The following MRPL13 variants were observed in gnomAD, a reference collection of about 807,000 sequenced individuals.
The protein encoded by MRPL13 is mitochondrial ribosomal protein L13, also known as large ribosomal subunit protein uL13m.
A neutral mutation model predicts 29.0 loss-of-function variants in MRPL13; 33 were observed. The ratio of observed to expected loss-of-function variants is 1.14; its 90% confidence interval spans 0.86 to 1.52. The LOEUF is 1.52. Ranked by LOEUF, MRPL13 falls within the 40% of genes most tolerant of loss-of-function variation. The pLI is 0.00. For missense variants in MRPL13, 227 were observed against 216.7 expected, an observed-to-expected ratio of 1.05 and a Z score of -0.30; for synonymous variants, 77 against 68.4, an observed-to-expected ratio of 1.13 and a Z score of -0.62.
intron 6 of MRPL13, among the ~76,000 whole-genome samples, chr8:120,405,659 G>A (rs1488550336): frequency 6.6e-6 from 1 of 152,154 alleles, no homozygotes; most frequent in Non-Finnish European, 1.5e-5. Context: ...TTGATACACA[G>A]TATCTTTCCT....
intron 4 of MRPL13, 76 bp from the exon 5 acceptor site, chr8:120,420,014 T>A (rs1034287302): frequency 9.5e-6 from 9 of 943,248 alleles, no homozygotes; most frequent in Non-Finnish European, 1.2e-5. Context: ...TTAGAGATGA[T>A]GATGAAAATG....
At chr8:120,411,426 T>C (rs566292490) in intron 6 of MRPL13, among the ~76,000 whole-genome samples, 1 of 152,306 alleles carries the variant, frequency 6.6e-6, no homozygotes, top group East Asian at 1.9e-4. Context: ...TAAATGATCA[T>C]CTATTTCTTA....
intron 1 of MRPL13, 45 bp downstream of exon 1, chr8:120,445,023 T>C (rs1415602013): frequency 6.2e-7 from 1 of 1,613,388 alleles, no homozygotes; most frequent in African/African-American, 1.3e-5. Flanking sequence ...GCTCTCCTTC[T>C]GCCAGTATAA....
At chr8:120,402,363 T>G (rs2130450932) in intron 6 of MRPL13, among the ~76,000 whole-genome samples, 1 of 152,286 alleles carries the variant, frequency 6.6e-6, no homozygotes, top group Admixed American at 6.5e-5. Context: ...TACAACTATC[T>G]GATCTTCGAC....
At chr8:120,422,017 G>GA (rs1011721806) in intron 4 of MRPL13, among the ~76,000 whole-genome samples, 5 of 149,776 alleles carry the variant, frequency 3.3e-5, no homozygotes, top group African/African-American at 4.9e-5. Flanking sequence ...CACTAGTTAT[G>GA]AAAAAAAAAT....
chr8:120,411,286 T>C lies in MRPL13; in HGVS notation c.515+2705A>G, dbSNP rs370251281. On this transcript the variant is annotated intron_variant, in intron 6 of 6. Transcript: ENST00000306185. ...TCTTGCCATCTTGCCCAGGCCGGTC[T>C]TGAACTCCTGAACTCAAGAGGTACT... Among the ~76,000 whole-genome samples the C allele has an allele frequency of 4.4e-4, 67 of 152,268 alleles. 1 individual carries two copies. Among genetic ancestry groups the C allele is most frequent in the African/African-American group, 1.5e-3 (62 of 41,554 alleles).
chr8:120,401,349 T>C (rs1812594920), intron 6 of MRPL13, among the ~76,000 whole-genome samples: 2 of 152,158 alleles, frequency 1.3e-5, no homozygotes, highest in Non-Finnish European at 2.9e-5. Context: ...TGGTTCAACA[T>C]ATGCAGATCA....
chr8:120,445,115 G>GT lies in MRPL13; in HGVS notation c.-22dup. ...GACATATTCCTCTACTAGCAGGACC[G>GT]TACGTCCTTCTCCTAGTAGCCACGC... On this transcript the variant is annotated 5_prime_UTR_variant, in exon 1 of 7. Transcript: ENST00000306185. The GT allele has an allele frequency of 6.2e-7, 1 of 1,613,910 alleles. No homozygotes were observed. Among genetic ancestry groups the GT allele is most frequent in the Non-Finnish European group, 8.5e-7 (1 of 1,179,914 alleles).
intron 2 of MRPL13, among the ~76,000 whole-genome samples, chr8:120,434,656 C>T (rs1442486923): frequency 6.6e-6 from 1 of 152,094 alleles, no homozygotes; most frequent in Non-Finnish European, 1.5e-5. Context: ...AAGTCCTTCT[C>T]AGCAAACTGC....
intron 6 of MRPL13, among the ~76,000 whole-genome samples, chr8:120,409,711 T>C (rs1427575911): frequency 6.6e-6 from 1 of 152,180 alleles, no homozygotes; most frequent in African/African-American, 2.4e-5. Flanking sequence ...TTATGTAAAA[T>C]ATACTAATAC....
intron 6 of MRPL13, among the ~76,000 whole-genome samples, chr8:120,411,305 A>C (rs1352222323): frequency 5.9e-5 from 9 of 152,050 alleles, no homozygotes; most frequent in Non-Finnish European, 1.3e-4. Context: ...TGAACTCAAG[A>C]GGTACTCCTG....
chr8:120,398,715 G>C (rs1339551913), intron 6 of MRPL13, among the ~76,000 whole-genome samples: 1 of 152,122 alleles, frequency 6.6e-6, no homozygotes. Flanking sequence ...CTGAGCTAAA[G>C]GAGCATGCTG....
intron 6 of MRPL13, among the ~76,000 whole-genome samples, chr8:120,403,489 A>C (rs140827585): frequency 1.3e-5 from 2 of 152,056 alleles, no homozygotes; most frequent in Non-Finnish European, 2.9e-5. Context: ...GCAGCCTGTT[A>C]GGAGGGGTTG....
intron 6 of MRPL13, among the ~76,000 whole-genome samples, chr8:120,403,970 T>G (rs1247421431): frequency 1.3e-5 from 2 of 152,202 alleles, no homozygotes; most frequent in African/African-American, 4.8e-5. Context: ...GAAGATAAAC[T>G]GCAGAGTTTT....
chr8:120,398,920 T>TACAC (rs549678047), intron 6 of MRPL13, among the ~76,000 whole-genome samples: 14 of 149,124 alleles, frequency 9.4e-5, no homozygotes, highest in African/African-American at 2.5e-4. Context: ...CAGACAATAA[T>TACAC]ACACACACAC....
At chr8:120,419,981 C>T (rs778033108) in intron 4 of MRPL13, 43 bp from the exon 5 acceptor site, 17 of 1,300,280 alleles carry the variant, frequency 1.3e-5, no homozygotes, top group Middle Eastern at 1.9e-4. Context: ...TTGTGACTTG[C>T]GATAGTAAGA....
At chr8:120,405,740 T>C (rs761040658) in intron 6 of MRPL13, among the ~76,000 whole-genome samples, 2 of 152,222 alleles carry the variant, frequency 1.3e-5, no homozygotes, top group Non-Finnish European at 2.9e-5. Context: ...TCTTTAAAAG[T>C]TGGTAACCCA....
intron 6 of MRPL13, 82 bp downstream of exon 6, chr8:120,413,909 C>A (rs1812770626): frequency 7.2e-6 from 10 of 1,385,706 alleles, no homozygotes; most frequent in Non-Finnish European, 8.4e-6. Context: ...TCTTCCCGCC[C>A]TCAAGGATCT....
chr8:120,431,922 T>C, intron 3 of MRPL13, 108 bp downstream of exon 3: 3 of 788,528 alleles, frequency 3.8e-6, no homozygotes, highest in Non-Finnish European at 5.5e-6. Flanking sequence ...AAATTAGTAA[T>C]AAATGCTGAT....
Sources: gnomAD v4.1 joint callset for allele counts (sites outside exome capture counted in the v4.1 genomes callset) on GRCh38, gnomAD v4.1.1 for gene constraint, MANE v1.5 for transcripts, NCBI Gene and HGNC (gene_info 2026-07-23, HGNC 2026-07-21) for gene names.